The following DUS4L variants were observed in gnomAD, a reference collection of about 807,000 sequenced individuals.
DUS4L encodes the protein dihydrouridine synthase 4 like.
Under a neutral mutation model 33.8 loss-of-function variants are expected in DUS4L, and 31 were observed. That is an observed-to-expected ratio of 0.92 (90% CI 0.69 to 1.24). The LOEUF (loss-of-function observed/expected upper bound fraction) is 1.24. DUS4L is among the 50% of genes most tolerant of loss of function. The probability of loss-of-function intolerance (pLI) is 0.00; values close to 1 mark genes in which losing one functional copy is unlikely to be tolerated. For synonymous variants in DUS4L, 103 were observed against 120.3 expected (o/e 0.86, Z 0.94); for missense variants, 368 against 388.6 (o/e 0.95, Z 0.45).
intron 3 of DUS4L, chr7:107,570,535 C>T (rs1295837300): frequency 6.5e-6 from 1 of 152,688 alleles, no homozygotes; most frequent in Non-Finnish European, 1.5e-5. Flanking sequence ...ACTGATACCA[C>T]TGGGCTGGGA....
Position 107,577,680 on chromosome 7 carries a change from GC to G in DUS4L, c.*121del. 1 of 1,187,384 alleles carries G rather than the reference GC, an allele frequency of 8.4e-7. No individual in the cohort carries two copies. The allele number at this position is 1,187,384 out of a possible 1,614,324, so 73.6% of individuals were successfully genotyped here. ...TTTAGTATAAAAACAATTCCTGGGA[GC>G]GTTTTTTAAAAATCAGTTGTAGACA... On this transcript the variant is annotated 3_prime_UTR_variant, in exon 8 of 8. Coordinates refer to ENST00000265720, the MANE Select transcript of DUS4L (RefSeq NM_181581.3).
In DUS4L at chr7:107,563,976, C is replaced by T; in HGVS notation, c.-344C>T. ...TGACGCAGAATCCCGGCGCCGCCCG[C>T]CCACCCAGCCCATGGCTCCAGGCCC... On this transcript the variant is annotated 5_prime_UTR_variant, in exon 1 of 8. Transcript: ENST00000265720. 1 of 1,574,688 alleles carries T rather than the reference C, an allele frequency of 6.4e-7. No homozygotes were observed. Among genetic ancestry groups the T allele is most frequent in the Non-Finnish European group, 8.6e-7 (1 of 1,162,552 alleles).
chr7:107,567,053 T>C lies in DUS4L; in HGVS notation c.-18T>C, dbSNP rs1467133328. The C allele has an allele frequency of 1.3e-6, 2 of 1,591,164 alleles. No homozygotes were observed. Among genetic ancestry groups the C allele is most frequent in the Non-Finnish European group, 1.7e-6 (2 of 1,165,430 alleles). On this transcript the variant is annotated 5_prime_UTR_variant, in exon 3 of 8. Coordinates refer to ENST00000265720, the MANE Select transcript of DUS4L (RefSeq NM_181581.3). ...ACAAGCTTATTGTCTTTTTCAGATT[T>C]GAAACATATCTGTATTAATGAAGAG...
At chr7:107,573,449 A>T (rs1805444635) in intron 4 of DUS4L, among the ~76,000 whole-genome samples, 3 of 152,230 alleles carry the variant, frequency 2.0e-5, no homozygotes. Flanking sequence ...CACCTTTGAG[A>T]AGAGGGTCTA....
chr7:107,573,512 A>G (rs1805450245), intron 4 of DUS4L, among the ~76,000 whole-genome samples, 192 bp from the exon 5 acceptor site: 1 of 152,194 alleles, frequency 6.6e-6, no homozygotes, highest in Non-Finnish European at 1.5e-5. Context: ...GTACTGTTTG[A>G]ATTTTTTACC....
At chr7:107,570,783 G>A (rs757563527) in intron 3 of DUS4L, 23 of 234,426 alleles carry the variant, frequency 9.8e-5, no homozygotes, top group Non-Finnish European at 1.7e-4. Context: ...CCTTTGGTTA[G>A]AGAAGGCTTT....
At chr7:107,569,239 G>A (rs549318871) in intron 3 of DUS4L, among the ~76,000 whole-genome samples, 3 of 152,204 alleles carry the variant, frequency 2.0e-5, no homozygotes, top group East Asian at 3.9e-4. Flanking sequence ...CTATCTCTCC[G>A]CTAATTCTTT....
At chr7:107,572,017 CTTT>C (rs74977605) in intron 4 of DUS4L, among the ~76,000 whole-genome samples, 3 of 142,638 alleles carry the variant, frequency 2.1e-5, no homozygotes, top group South Asian at 2.2e-4. Flanking sequence ...AGCCATGAAT[CTTT>C]TTTTTTTTTT....
intron 6 of DUS4L, 181 bp downstream of exon 6, chr7:107,575,491 C>A: frequency 3.5e-6 from 2 of 576,440 alleles, no homozygotes; most frequent in Non-Finnish European, 5.3e-6. Context: ...ATTTATAGTC[C>A]TGAAAAACTT....
Position 107,564,113 on chromosome 7 carries a change from G to A in DUS4L, c.-207G>A. 1 of 1,116,130 alleles carries A rather than the reference G, an allele frequency of 9.0e-7. No homozygotes were observed. The highest frequency in any genetic ancestry group is 1.4e-5 in the South Asian group (1 of 71,280). The allele number at this position is 1,116,130 out of a possible 1,614,324, so 69.1% of individuals were successfully genotyped here. ...GAGTGCTCTGCGCCCAGCGCACCGA[G>A]GGAGCCAAGGCCGTCGGGCCGGCGC... On this transcript the variant is annotated 5_prime_UTR_variant, in exon 1 of 8. Transcript: ENST00000265720.
intron 5 of DUS4L, among the ~76,000 whole-genome samples, chr7:107,574,346 CTTT>C (rs761005292): frequency 8.7e-5 from 11 of 125,962 alleles, no homozygotes; most frequent in East Asian, 2.3e-4. Context: ...AATAATATTT[CTTT>C]TTTTTTTTTT....
chr7:107,576,549 C>T lies in DUS4L; in HGVS notation c.663C>T (p.Ser221=), dbSNP rs138463000. The change falls in exon 7 of 8, where the codon AGC becomes AGT. Residue 221 remains serine, a synonymous_variant. Coordinates refer to ENST00000265720, the MANE Select transcript of DUS4L (RefSeq NM_181581.3). ...IPVIANGDIR[S]LKEAENVWRI... ...TAATTGCTAATGGAGACATCAGAAG[C>T]TTAAAGGAAGCAGAAAATGTGTGGC... The T allele has an allele frequency of 1.0e-5, 16 of 1,592,926 alleles. No homozygotes were observed. The African/African-American group carries it at 1.6e-4, about 16-fold the overall frequency.
chr7:107,576,596 A>G lies in DUS4L; in HGVS notation c.706+4A>G, dbSNP rs1156983737. ...TGGCGGATTACTGGGACAGATGGTA[A>G]GAAATAAGTACTTGGGTTCTTTTAA... On this transcript the variant is annotated splice_donor_region_variant and intron_variant, in intron 7 of 7. Coordinates refer to ENST00000265720, the MANE Select transcript of DUS4L (RefSeq NM_181581.3). 6.4e-7 allele frequency: 1 copy of G among 1,569,728 alleles called. No individual in the cohort carries two copies. The highest frequency in any genetic ancestry group is 1.5e-5 in the African/African-American group (1 of 68,620).
rs1413369077 is a variant in DUS4L, at chr7:107,574,830, C to T, written c.357-358C>T. 1.7e-5 allele frequency: 5 copies of T among 302,686 alleles called. No individual in the cohort carries two copies. The East Asian group carries it at 6.2e-4, about 37-fold the overall frequency. 18.8% of individuals were successfully genotyped at this position (302,686 alleles called of 1,614,324 possible). ...GCTGTAAGCCAAAAATATCTTTCTA[C>T]TATTGAGACTAATAAAACCTCTTGT... On this transcript the variant is annotated intron_variant, in intron 5 of 7. Coordinates refer to ENST00000265720, the MANE Select transcript of DUS4L (RefSeq NM_181581.3).
At chr7:107,576,107 T>C (rs1805713915) in intron 6 of DUS4L, among the ~76,000 whole-genome samples, 1 of 152,266 alleles carries the variant, frequency 6.6e-6, no homozygotes, top group Non-Finnish European at 1.5e-5. Flanking sequence ...GTCTTTCATT[T>C]ATCAAAGCCA....
At chr7:107,567,819 G>A (rs1263591925) in intron 3 of DUS4L, 2 of 442,268 alleles carry the variant, frequency 4.5e-6, no homozygotes, top group Admixed American at 2.5e-5. Context: ...AGCAGCCCCT[G>A]GCAACCATTA....
At chr7:107,564,377 T>G in intron 1 of DUS4L, 168 bp downstream of exon 1, 1 of 239,966 alleles carries the variant, frequency 4.2e-6, no homozygotes. Flanking sequence ...GCTTTATCTG[T>G]TCCACGCCTT....
At chr7:107,571,510 G>C (rs1044673165) in intron 4 of DUS4L, among the ~76,000 whole-genome samples, 2 of 152,160 alleles carry the variant, frequency 1.3e-5, no homozygotes, top group African/African-American at 4.8e-5. Context: ...GTAGATTCCT[G>C]TCACACTGCC....
Position 107,564,122 on chromosome 7 carries a change from G to A in DUS4L, c.-198G>A, listed in dbSNP as rs1311473016. 2.0e-6 allele frequency: 2 copies of A among 982,356 alleles called. No homozygotes were observed. The highest frequency in any genetic ancestry group is 3.0e-6 in the Non-Finnish European group (2 of 667,266). The allele number at this position is 982,356 out of a possible 1,614,324, so 60.9% of individuals were successfully genotyped here. On this transcript the variant is annotated 5_prime_UTR_variant, in exon 1 of 8. Coordinates refer to ENST00000265720, the MANE Select transcript of DUS4L (RefSeq NM_181581.3). ...GCGCCCAGCGCACCGAGGGAGCCAA[G>A]GCCGTCGGGCCGGCGCTTTCAGCTG... is the stretch of plus-strand genomic sequence containing the variant.
Sources: gnomAD v4.1 joint callset for allele counts (sites outside exome capture counted in the v4.1 genomes callset) on GRCh38, gnomAD v4.1.1 for gene constraint, MANE v1.5 for transcripts, NCBI Gene and HGNC (gene_info 2026-07-23, HGNC 2026-07-21) for gene names.